FMN1: variants seen among roughly 807,000 people sequenced by gnomAD.
FMN1 encodes formin-1.
In FMN1, 110 loss-of-function variants were observed where a neutral mutation model predicts 132.4. The ratio of observed to expected loss-of-function variants is 0.83; its 90% CI spans 0.71 to 0.97. The LOEUF is 0.97. Ranked by LOEUF, FMN1 falls within the 50% of genes least tolerant of loss-of-function variation. FMN1 has a pLI of 0.00. For missense variants in FMN1, 1,792 were observed against 1,705.3 expected (o/e 1.05, Z -0.90); for synonymous variants, 722 against 651.7 (o/e 1.11, Z -1.64).
chr15:33,080,280 T>G (rs2038398864), intron 5 of FMN1, among the ~76,000 whole-genome samples: 1 of 152,206 alleles, frequency 6.6e-6, no homozygotes, highest in South Asian at 2.1e-4. Flanking sequence ...TGAATCTAAT[T>G]TACGCTGTGG....
At chr15:32,946,212 C>G in intron 9 of FMN1, among the ~76,000 whole-genome samples, 1 of 152,206 alleles carries the variant, frequency 6.6e-6, no homozygotes. Context: ...CCTTCTTACT[C>G]TCATAGCACA....
At chr15:32,813,848 A>T (rs904389683) in intron 17 of FMN1, among the ~76,000 whole-genome samples, 1 of 152,208 alleles carries the variant, frequency 6.6e-6, no homozygotes, top group Non-Finnish European at 1.5e-5. Flanking sequence ...TAATTTAATA[A>T]TTTTGGCTAA....
At chr15:32,933,866 C>A (rs559546539) in intron 9 of FMN1, among the ~76,000 whole-genome samples, 2 of 152,198 alleles carry the variant, frequency 1.3e-5, no homozygotes, top group South Asian at 4.1e-4. Flanking sequence ...CACTTTCAGC[C>A]TGTGTCCTTG....
At chr15:32,873,375 C>T (rs2059561537) in intron 16 of FMN1, among the ~76,000 whole-genome samples, 1 of 152,160 alleles carries the variant, frequency 6.6e-6, no homozygotes, top group South Asian at 2.1e-4. Flanking sequence ...TTGCTGGACG[C>T]CGTTAGTGGT....
rs76664368 is a variant in FMN1, at chr15:33,187,481, T to G, written c.-197+6428A>C. Among the ~76,000 whole-genome samples, 1,099 of 152,284 alleles carry G rather than the reference T, an allele frequency of 7.2e-3. 14 individuals carry two copies. The highest frequency in any genetic ancestry group is 0.014 in the Middle Eastern group (4 of 294). On this transcript the variant is annotated intron_variant, in intron 2 of 20. Transcript: ENST00000616417. ...GGAGGAAGGACACCCAGGCCCTACT[T>G]CCTGGCAGTGTCCCCAGAGAGGTCA...
chr15:32,816,689 C>T (rs2058070048), intron 17 of FMN1, among the ~76,000 whole-genome samples: 1 of 147,196 alleles, frequency 6.8e-6, no homozygotes, highest in Non-Finnish European at 1.5e-5. Context: ...TAGGTTCCTG[C>T]TGAAAAACTG....
intron 16 of FMN1, among the ~76,000 whole-genome samples, chr15:32,874,082 C>T (rs927465282): frequency 2.9e-5 from 4 of 139,578 alleles, no homozygotes; most frequent in Admixed American, 7.7e-5. Context: ...AGTGCAATGG[C>T]GCGATCTCGG....
chr15:33,103,104 T>C (rs2039355914), intron 4 of FMN1, among the ~76,000 whole-genome samples: 1 of 152,144 alleles, frequency 6.6e-6, no homozygotes, highest in African/African-American at 2.4e-5. Context: ...TAATATCTGT[T>C]GAATACAATA....
intron 9 of FMN1, among the ~76,000 whole-genome samples, chr15:32,961,899 C>T (rs1378731092): frequency 6.6e-6 from 1 of 152,080 alleles, no homozygotes; most frequent in South Asian, 2.1e-4. Context: ...CATTCTCTTA[C>T]AGAAAGCTGG....
intron 19 of FMN1, among the ~76,000 whole-genome samples, chr15:32,792,275 C>CA (rs11461605): frequency 0.52 from 58,462 of 111,588 alleles, 15,528 homozygotes; most frequent in East Asian, 0.78. Context: ...CAGTCTCTAC[C>CA]AAAAAAAAAA....
chr15:33,126,609 A>C (rs1963100062), intron 4 of FMN1, among the ~76,000 whole-genome samples: 1 of 152,260 alleles, frequency 6.6e-6, no homozygotes, highest in Admixed American at 6.5e-5. Context: ...GAAAGAAGAA[A>C]GGAAGCAGCA....
At chr15:33,082,020 G>GGGGTGTGTGTGTGTGT (rs1355703560) in intron 5 of FMN1, among the ~76,000 whole-genome samples, 34 of 117,762 alleles carry the variant, frequency 2.9e-4, no homozygotes, top group African/African-American at 1.1e-3. Flanking sequence ...AGAGTTCAGG[G>GGGGTGTGTGTGTGTGT]GTGTGTGTGT....
At chr15:32,956,569 G>A (rs948159081) in intron 9 of FMN1, among the ~76,000 whole-genome samples, 3 of 151,948 alleles carry the variant, frequency 2.0e-5, no homozygotes, top group Admixed American at 6.6e-5. Context: ...TCAAGAAATC[G>A]GGACAGAGCG....
intron 7 of FMN1, among the ~76,000 whole-genome samples, chr15:32,981,355 G>A (rs1172968055): frequency 2.0e-5 from 3 of 151,128 alleles, no homozygotes; most frequent in East Asian, 1.9e-4. Flanking sequence ...TAGCCGGCGC[G>A]GTGGCAGGCA....
At chr15:33,019,785 G>A (rs1490679979) in intron 6 of FMN1, among the ~76,000 whole-genome samples, 1 of 152,178 alleles carries the variant, frequency 6.6e-6, no homozygotes, top group African/African-American at 2.4e-5. Context: ...GGCCCGCCAA[G>A]CCCATGCCCA....
Position 33,148,243 on chromosome 15 carries a change from A to G in FMN1, c.1867+4805T>C, listed in dbSNP as rs568834895. Reference sequence around the variant, plus strand: ...TTCACTAATAAATCGGAGGGAAAAAACTGTAGCCACTACTTCCACTTCCTT... The same window carrying G: ...TTCACTAATAAATCGGAGGGAAAAAGCTGTAGCCACTACTTCCACTTCCTT... On this transcript the variant is annotated intron_variant, in intron 4 of 20. Transcript: ENST00000616417. 9.2e-5 allele frequency among the ~76,000 whole-genome samples: 14 copies of G among 152,294 alleles called. No homozygotes were observed. The East Asian group carries it at 2.1e-3, about 23-fold the overall frequency.
rs1326196272 is a variant in FMN1, at chr15:33,191,394, A to G, written c.-197+2515T>C. Among the ~76,000 whole-genome samples, 4 of 152,212 alleles carry G rather than the reference A, an allele frequency of 2.6e-5. No individual in the cohort carries two copies. The East Asian group carries it at 7.7e-4, about 29-fold the overall frequency. ...AGGTGTGTTGGTTAAAGAAAAAAAAACTTAACTAGTAGTCTGCTTCCTAGA... is the reference window on the plus strand; with the variant it reads ...AGGTGTGTTGGTTAAAGAAAAAAAAGCTTAACTAGTAGTCTGCTTCCTAGA... On this transcript the variant is annotated intron_variant, in intron 2 of 20. Transcript: ENST00000616417.
chr15:33,065,431 A>C lies in FMN1; in HGVS notation c.2044-357T>G, dbSNP rs550372324. Among the ~76,000 whole-genome samples, 99 of 152,362 alleles carry C rather than the reference A, an allele frequency of 6.5e-4. 1 individual carries two copies. Among genetic ancestry groups the C allele is most frequent in the African/African-American group, 2.3e-3 (97 of 41,580 alleles). ...CTGATGTGCATTTATGGGAATGTTTACCAATGTATCCCGGGACTCCAGGAT... is the reference window on the plus strand; with the variant it reads ...CTGATGTGCATTTATGGGAATGTTTCCCAATGTATCCCGGGACTCCAGGAT... On this transcript the variant is annotated intron_variant, in intron 5 of 20. Transcript: ENST00000616417.
intron 4 of FMN1, among the ~76,000 whole-genome samples, chr15:33,149,274 T>C (rs1229204198): frequency 6.6e-6 from 1 of 152,178 alleles, no homozygotes; most frequent in Non-Finnish European, 1.5e-5. Context: ...TATTTATATA[T>C]TGGGAGGGGT....
Sources: allele counts gnomAD v4.1 joint callset (sites outside exome capture counted in the v4.1 genomes callset), GRCh38; gene constraint gnomAD v4.1.1; transcripts MANE v1.5; gene names NCBI Gene and HGNC (gene_info 2026-07-23, HGNC 2026-07-21).